Variants in RBFOX1 observed in about 807,000 individuals in gnomAD.
RBFOX1 encodes the protein RNA binding fox-1 homolog 1, also known as RNA binding protein fox-1 homolog 1.
In RBFOX1, 8 loss-of-function variants were observed where a neutral mutation model predicts 57.7. That is an observed-to-expected ratio of 0.14 (90% confidence interval 0.08 to 0.25). The LOEUF (loss-of-function observed/expected upper bound fraction) is 0.25. Ranked by LOEUF, RBFOX1 falls within the 10% of genes least tolerant of loss-of-function variation. RBFOX1 has a pLI of 1.00. For synonymous variants in RBFOX1, 326 were observed against 222.4 expected (o/e 1.47, Z -4.15); for missense variants, 611 against 548.5 (o/e 1.11, Z -1.14).
chr16:6,744,486 GAAGTT>G (rs2073092631), intron 3 of RBFOX1, among the ~76,000 whole-genome samples: 1 of 151,920 alleles, frequency 6.6e-6, no homozygotes, highest in Non-Finnish European at 1.5e-5. Context: ...TAAGAGAATT[GAAGTT>G]ATTTCTCCAA....
At chr16:6,246,506 C>T (rs899023025) in intron 1 of RBFOX1, among the ~76,000 whole-genome samples, 2 of 152,120 alleles carry the variant, frequency 1.3e-5, no homozygotes, top group Non-Finnish European at 2.9e-5. Flanking sequence ...TCACCCATCA[C>T]CCAAACTTTG....
At chr16:7,482,854 G>A (rs769717808) in intron 4 of RBFOX1, among the ~76,000 whole-genome samples, 3 of 152,126 alleles carry the variant, frequency 2.0e-5, no homozygotes, top group Admixed American at 6.5e-5. Flanking sequence ...CCATGTACAG[G>A]AGATGGGCTT....
intron 3 of RBFOX1, among the ~76,000 whole-genome samples, chr16:6,742,604 G>A (rs1264452281): frequency 6.6e-6 from 1 of 152,164 alleles, no homozygotes; most frequent in Non-Finnish European, 1.5e-5. Context: ...GTAGGTGAAT[G>A]GTTAAAGAAA....
chr16:5,889,865 C>G (rs1324513819), intron 4 of RBFOX1, among the ~76,000 whole-genome samples: 1 of 152,176 alleles, frequency 6.6e-6, no homozygotes, highest in Non-Finnish European at 1.5e-5. Flanking sequence ...TGAATTCACC[C>G]CAGAATGGCT....
At chr16:5,584,825 T>G (rs992471338) in intron 2 of RBFOX1, among the ~76,000 whole-genome samples, 1 of 152,250 alleles carries the variant, frequency 6.6e-6, no homozygotes, top group Admixed American at 6.5e-5. Flanking sequence ...ATACAGACCC[T>G]ATTAATTTTA....
In RBFOX1 at chr16:6,268,418, T is replaced by C. The variant is rs569923984; in HGVS notation, c.-126-48577T>C. Among the ~76,000 whole-genome samples, 5 of 152,262 alleles carry C rather than the reference T, an allele frequency of 3.3e-5. No individual in the cohort carries two copies. The South Asian group carries it at 1.0e-3, about 32-fold the overall frequency. On this transcript the variant is annotated intron_variant, in intron 1 of 15. Transcript: ENST00000550418. ...GCACAGCTTGTGATTATTCTTTTAG[T>C]GGGTCCAAGATAGCTGTGTTCAAGC... is the stretch of plus-strand genomic sequence containing the variant.
downstream of RBFOX1, among the ~76,000 whole-genome samples, chr16:5,604,369 G>A (rs986619768): frequency 6.6e-6 from 1 of 152,112 alleles, no homozygotes; most frequent in African/African-American, 2.4e-5. Flanking sequence ...AGTTTCATCT[G>A]GAGCTCAGGG....
At position 6,835,746 on chromosome 16, in the gene RBFOX1, T is replaced by C. The variant is rs1318243310; in HGVS notation, c.-16+181096T>C. On this transcript the variant is annotated intron_variant, in intron 3 of 15. Transcript: ENST00000550418. ...TCCAGCCTGGGTGATAGAGTAAGAC[T>C]CTGCTTAAAAAAAAAAAAAAAAAAA... is the stretch of plus-strand genomic sequence containing the variant. Among the ~76,000 whole-genome samples the C allele has an allele frequency of 2.9e-5, 3 of 102,038 alleles. No homozygotes were observed. The South Asian group carries it at 1.2e-3, about 41-fold the overall frequency. 66.9% of individuals were successfully genotyped at this position (102,038 alleles called of 152,430 possible). A position where few individuals can be genotyped will look rare whatever the true frequency, so the allele number is the denominator to read the frequency against.
chr16:5,404,310 G>A (rs2066802535), intron 1 of RBFOX1, among the ~76,000 whole-genome samples: 1 of 152,278 alleles, frequency 6.6e-6, no homozygotes, highest in East Asian at 1.9e-4. Context: ...TTTAAAAGAA[G>A]TGCCAACCTT....
At chr16:6,826,009 G>T (rs2092084311) in intron 3 of RBFOX1, among the ~76,000 whole-genome samples, 1 of 152,120 alleles carries the variant, frequency 6.6e-6, no homozygotes. Flanking sequence ...TACATTTTGG[G>T]TAGGCCGACC....
rs74825430 is a variant in RBFOX1, at chr16:6,695,149, G to T, written c.-16+40499G>T. ...GGAAAAAAAACAATGGCCGGGCGCA[G>T]TAGCTCATGCCTGAAATCCCAGCAC... On this transcript the variant is annotated intron_variant, in intron 3 of 15. Coordinates refer to ENST00000550418, the MANE Select transcript of RBFOX1 (RefSeq NM_018723.4). Among the ~76,000 whole-genome samples, 258 of 152,294 alleles carry T rather than the reference G, an allele frequency of 1.7e-3. No individual in the cohort carries two copies. In the East Asian group the frequency reaches 0.03, roughly 18 times the overall value.
intron 1 of RBFOX1, among the ~76,000 whole-genome samples, chr16:6,315,303 A>G (rs1034221405): frequency 1.3e-4 from 20 of 151,656 alleles, no homozygotes; most frequent in African/African-American, 2.7e-4. Flanking sequence ...GGGTAGTTAA[A>G]TGGGGGACAG....
intron 3 of RBFOX1, among the ~76,000 whole-genome samples, chr16:6,679,436 C>T: frequency 6.6e-6 from 1 of 152,014 alleles, no homozygotes; most frequent in Non-Finnish European, 1.5e-5. Context: ...CATTGCAGTG[C>T]CTCGTTTCTT....
At chr16:5,455,751 G>A (rs1178210875) in intron 1 of RBFOX1, among the ~76,000 whole-genome samples, 1 of 152,160 alleles carries the variant, frequency 6.6e-6, no homozygotes, top group Non-Finnish European at 1.5e-5. Context: ...TAGAAAGATG[G>A]CAGCATGGAC....
chr16:7,585,478 G>C (rs1253425144), intron 6 of RBFOX1, among the ~76,000 whole-genome samples: 1 of 152,064 alleles, frequency 6.6e-6, no homozygotes. Flanking sequence ...TTTTCTCTTT[G>C]GTTTCTTCCT....
intron 1 of RBFOX1, among the ~76,000 whole-genome samples, chr16:6,230,945 C>A (rs1331616760): frequency 6.6e-6 from 1 of 152,094 alleles, no homozygotes; most frequent in African/African-American, 2.4e-5. Context: ...GTAGATGTAG[C>A]CCTCTGACTT....
chr16:5,752,781 C>G (rs943555565), intron 3 of RBFOX1, among the ~76,000 whole-genome samples: 1 of 152,136 alleles, frequency 6.6e-6, no homozygotes, highest in Non-Finnish European at 1.5e-5. Flanking sequence ...CATACTCACT[C>G]CTCTACTTTG....
chr16:6,821,972 G>A (rs538550219), intron 3 of RBFOX1, among the ~76,000 whole-genome samples: 1 of 152,228 alleles, frequency 6.6e-6, no homozygotes, highest in East Asian at 1.9e-4. Flanking sequence ...TCTACTGTTT[G>A]GGGATGGATG....
chr16:6,208,852 T>A (rs1303163554), intron 1 of RBFOX1, among the ~76,000 whole-genome samples: 1 of 152,108 alleles, frequency 6.6e-6, no homozygotes, highest in Non-Finnish European at 1.5e-5. Flanking sequence ...GCCTATGTGG[T>A]TTTCCCCAGT....
Sources: gnomAD v4.1 joint callset for allele counts (sites outside exome capture counted in the v4.1 genomes callset) on GRCh38, gnomAD v4.1.1 for gene constraint, MANE v1.5 for transcripts, NCBI Gene and HGNC (gene_info 2026-07-23, HGNC 2026-07-21) for gene names.